The following SMTN variants were observed in gnomAD, a reference collection of about 807,000 sequenced individuals.
SMTN encodes smoothelin.
Under a neutral mutation model 102.0 loss-of-function variants are expected in SMTN, and 58 were observed. The ratio of observed to expected loss-of-function variants is 0.57; its 90% confidence interval spans 0.46 to 0.71. The LOEUF (loss-of-function observed/expected upper bound fraction) is 0.71. Ranked by LOEUF, SMTN falls within the 30% of genes least tolerant of loss-of-function variation. SMTN has a pLI of 0.00. For synonymous variants in SMTN, 478 were observed against 497.9 expected, an observed-to-expected ratio of 0.96 and a Z score of 0.53; for missense variants, 1,185 against 1,241.7, an observed-to-expected ratio of 0.95 and a Z score of 0.69.
chr22:31,083,251 C>T lies in SMTN; in HGVS notation c.-8C>T, dbSNP rs1167651628. On this transcript the variant is annotated 5_prime_UTR_variant, in exon 2 of 21. Coordinates refer to ENST00000333137, the MANE Select transcript of SMTN (RefSeq NM_134269.3). The stretch of plus-strand genomic sequence containing the variant: ...AGAAAGGAACCGACGGAGCTAGGGG[C>T]CAGCGAGATGGCGGACGAGGCCTTA... 2.5e-6 allele frequency: 4 copies of T among 1,598,302 alleles called. No individual in the cohort carries two copies. Among genetic ancestry groups the T allele is most frequent in the Non-Finnish European group, 3.4e-6 (4 of 1,174,756 alleles).
chr22:31,086,623 C>T (rs1387832927), intron 2 of SMTN, among the ~76,000 whole-genome samples: 1 of 152,176 alleles, frequency 6.6e-6, no homozygotes, highest in Non-Finnish European at 1.5e-5. Flanking sequence ...CCAACCCCAC[C>T]CACTGGCAAA....
At chr22:31,086,650 C>G (rs1313117232) in intron 2 of SMTN, among the ~76,000 whole-genome samples, 1 of 152,246 alleles carries the variant, frequency 6.6e-6, no homozygotes, top group African/African-American at 2.4e-5. Context: ...AACCAAGACA[C>G]AGAGAGTTTA....
At chr22:31,100,700 G>C (rs1311102424) in intron 19 of SMTN, among the ~76,000 whole-genome samples, 185 bp from the exon 20 acceptor site, 1 of 152,158 alleles carries the variant, frequency 6.6e-6, no homozygotes, top group Admixed American at 6.5e-5. Context: ...GGAGGCATGC[G>C]GGGGGCTGGC....
intron 11 of SMTN, chr22:31,094,005 C>A: frequency 1.4e-6 from 1 of 690,384 alleles, no homozygotes; most frequent in South Asian, 1.9e-5. Flanking sequence ...GGCACTAGTG[C>A]TCTAAGACTA....
chr22:31,074,808 AAACAAC>A (rs990112172), intron 1 of SMTN, among the ~76,000 whole-genome samples: 3 of 97,002 alleles, frequency 3.1e-5, no homozygotes, highest in East Asian at 2.3e-4. Context: ...AAAACAACAA[AAACAAC>A]AACAACAACA....
At chr22:31,097,546 A>G (rs2043691867) in intron 16 of SMTN, among the ~76,000 whole-genome samples, 1 of 152,024 alleles carries the variant, frequency 6.6e-6, no homozygotes, top group Non-Finnish European at 1.5e-5. Context: ...TCTACTAAAA[A>G]TACAAAAATT....
chr22:31,070,193 AC>A (rs2041964105), intron 1 of SMTN, among the ~76,000 whole-genome samples: 1 of 152,144 alleles, frequency 6.6e-6, no homozygotes, highest in Non-Finnish European at 1.5e-5. Context: ...CTTTCCTCTT[AC>A]TATGGGCCAT....
chr22:31,091,916 G>C, intron 11 of SMTN, 69 bp downstream of exon 11: 1 of 1,380,202 alleles, frequency 7.2e-7, no homozygotes, highest in African/African-American at 1.4e-5. Flanking sequence ...AGGGTGTAGG[G>C]CTAGCAGGGT....
chr22:31,099,136 A>G lies in SMTN; in HGVS notation c.2408A>G (p.Gln803Arg). 2 of 1,613,302 alleles carry G rather than the reference A, an allele frequency of 1.2e-6. No individual in the cohort carries two copies. The highest frequency in any genetic ancestry group is 2.2e-5 in the East Asian group (1 of 44,876). ...GTCCCCAACGCCAACAGCATCAAGCAGATGCTGCTGGACTGGTGTCGAGCC... is the reference window on the plus strand; with the variant it reads ...GTCCCCAACGCCAACAGCATCAAGCGGATGCTGCTGGACTGGTGTCGAGCC... ...FGVPNANSIK[Q>R]MLLDWCRAKT... Residue 803 changes from glutamine (Q) to arginine (R), a missense_variant, in exon 18 of 21, where the codon CAG becomes CGG. Coordinates refer to ENST00000333137, the MANE Select transcript of SMTN (RefSeq NM_134269.3).
chr22:31,098,566 A>C, intron 16 of SMTN, 101 bp from the exon 17 acceptor site: 2 of 1,102,384 alleles, frequency 1.8e-6, no homozygotes, highest in Non-Finnish European at 2.6e-6. Context: ...CAGTGGAGAT[A>C]CTAGTGTGCT....
At chr22:31,088,235 G>A (rs934398665) in intron 3 of SMTN, 122 bp downstream of exon 3, 37 of 1,130,602 alleles carry the variant, frequency 3.3e-5, no homozygotes, top group African/African-American at 4.7e-5. Flanking sequence ...ATGGCAGTAC[G>A]TCCACACACG....
chr22:31,092,826 C>A (rs1443685250), intron 11 of SMTN, among the ~76,000 whole-genome samples: 2 of 152,178 alleles, frequency 1.3e-5, no homozygotes, highest in East Asian at 3.8e-4. Flanking sequence ...GGTGATGTAC[C>A]CATAATGTGC....
Position 31,095,385 on chromosome 22 carries a change from C to T in SMTN, c.1715C>T (p.Pro572Leu). 1.2e-6 allele frequency: 2 copies of T among 1,614,236 alleles called. No individual in the cohort carries two copies. Among genetic ancestry groups the T allele is most frequent in the Non-Finnish European group, 8.5e-7 (1 of 1,180,040 alleles). Residue 572 changes from proline (P) to leucine (L), a missense_variant, in exon 12 of 21, where the codon CCA becomes CTA. Coordinates refer to ENST00000333137, the MANE Select transcript of SMTN (RefSeq NM_134269.3). The surrounding 1 kb of genome is among the most constrained non-coding windows in gnomAD (Gnocchi z 4.1). ...GAGCAGACCCGAGTGAACAAAGCACCAGAAGGGCGGAGCCCTCTGAGCGCT... is the reference window on the plus strand; with the variant it reads ...GAGCAGACCCGAGTGAACAAAGCACTAGAAGGGCGGAGCCCTCTGAGCGCT... ...GAEQTRVNKA[P>L]EGRSPLSAEE...
chr22:31,089,674 G>A, intron 6 of SMTN, 25 bp from the exon 7 acceptor site: 1 of 1,579,644 alleles, frequency 6.3e-7, no homozygotes, highest in Non-Finnish European at 8.6e-7. Flanking sequence ...GGGAGCCTTG[G>A]TTGCATCCTG....
intron 1 of SMTN, among the ~76,000 whole-genome samples, chr22:31,073,992 G>A (rs1453667065): frequency 6.6e-6 from 1 of 152,178 alleles, no homozygotes; most frequent in Non-Finnish European, 1.5e-5. Flanking sequence ...ACAGCTGCGA[G>A]AGTTCCAAGA....
chr22:31,091,889 C>T (rs1361493290), intron 11 of SMTN, 42 bp downstream of exon 11: 1 of 1,487,466 alleles, frequency 6.7e-7, no homozygotes, highest in Middle Eastern at 1.9e-4. Flanking sequence ...ATCCGTCAGC[C>T]TCACATACAC....
At chr22:31,093,649 C>T (rs929922022) in intron 11 of SMTN, 16 of 782,478 alleles carry the variant, frequency 2.0e-5, no homozygotes, top group Non-Finnish European at 2.8e-5. Flanking sequence ...ACTGAGCCGG[C>T]GGCTGGATGC....
chr22:31,071,229 C>G (rs11705319), intron 1 of SMTN, among the ~76,000 whole-genome samples: 34,220 of 145,802 alleles, frequency 0.23, 5,267 homozygotes, highest in African/African-American at 0.44. Context: ...AACAGAGCTA[C>G]ACCCTGTCTC....
upstream of SMTN, among the ~76,000 whole-genome samples, chr22:31,078,986 A>T (rs1602575442): frequency 6.6e-6 from 1 of 152,230 alleles, no homozygotes; most frequent in Non-Finnish European, 1.5e-5. Flanking sequence ...AAGTGGAGGG[A>T]AGGGGCTTCA....
Sources: allele counts gnomAD v4.1 joint callset (sites outside exome capture counted in the v4.1 genomes callset), GRCh38; gene constraint gnomAD v4.1.1; non-coding constraint Gnocchi (gnomAD v3.1); transcripts MANE v1.5; gene names NCBI Gene and HGNC (gene_info 2026-07-23, HGNC 2026-07-21).